OLFM2: variants seen among roughly 807,000 people sequenced by gnomAD.
OLFM2 encodes the protein olfactomedin 2, also known as noelin-2.
Under a neutral mutation model 43.9 loss-of-function variants are expected in OLFM2, and 20 were observed. The observed-to-expected ratio is 0.46, with a 90% confidence interval of 0.32 to 0.66. OLFM2 has a LOEUF of 0.66. Among genes scored for constraint, OLFM2 ranks in the 30% least tolerant of loss-of-function variants. The pLI is 0.04. For synonymous variants in OLFM2, 268 were observed against 278.6 expected, an observed-to-expected ratio of 0.96 and a Z score of 0.38; for missense variants, 416 against 643.6, an observed-to-expected ratio of 0.65 and a Z score of 3.83.
intron 1 of OLFM2, among the ~76,000 whole-genome samples, chr19:9,882,746 C>T (rs1449200572): frequency 1.3e-5 from 2 of 150,650 alleles, no homozygotes; most frequent in Non-Finnish European, 3.0e-5. Context: ...GCTGTGTCTA[C>T]AAAAAATTAA....
chr19:9,890,206 T>A (rs1344381211), intron 1 of OLFM2, among the ~76,000 whole-genome samples: 1 of 152,198 alleles, frequency 6.6e-6, no homozygotes, highest in Non-Finnish European at 1.5e-5. Flanking sequence ...TTCCCCAGTG[T>A]CTGTGGAAAA....
chr19:9,888,521 CA>C (rs33932579), intron 1 of OLFM2, among the ~76,000 whole-genome samples: 2 of 138,662 alleles, frequency 1.4e-5, no homozygotes, highest in African/African-American at 2.7e-5. Context: ...GACCTTACCT[CA>C]AAAAAAAAAA....
intron 1 of OLFM2, among the ~76,000 whole-genome samples, chr19:9,890,266 T>A (rs575883595): frequency 3.9e-5 from 6 of 152,116 alleles, no homozygotes; most frequent in Non-Finnish European, 7.4e-5. Context: ...TTTTCTCAGC[T>A]CCAGCTCTAG....
chr19:9,898,534 T>A (rs7249206), intron 1 of OLFM2, among the ~76,000 whole-genome samples: 47,022 of 150,566 alleles, frequency 0.31, 8,721 homozygotes, highest in African/African-American at 0.53. Flanking sequence ...AAAAAAAAAA[T>A]TTTTTTGTGT....
At chr19:9,924,132 C>T (rs1422086537) in intron 1 of OLFM2, among the ~76,000 whole-genome samples, 44 of 140,658 alleles carry the variant, frequency 3.1e-4, no homozygotes, top group African/African-American at 7.5e-4. Flanking sequence ...AAAAAAAGCC[C>T]GGGCGCAGTG....
intron 5 of OLFM2, among the ~76,000 whole-genome samples, chr19:9,855,242 T>A (rs1378106981): frequency 1.5e-5 from 2 of 134,662 alleles, no homozygotes; most frequent in African/African-American, 5.8e-5. Context: ...TTTTAAGTAA[T>A]TTTTTTTTTT....
Position 9,931,713 on chromosome 19 carries a change from AT to A in OLFM2, c.63+4590del, listed in dbSNP as rs758832053. On this transcript the variant is annotated intron_variant, in intron 1 of 5. Coordinates refer to ENST00000264833, the MANE Select transcript of OLFM2 (RefSeq NM_058164.4). ...GACAGAACAAGACTCCATCTCAAAA[AT>A]AAAAAAAAAAAAAGAAATAAAAAGA... Among the ~76,000 whole-genome samples, 1,264 of 147,894 alleles carry A rather than the reference AT, an allele frequency of 8.5e-3. 22 individuals carry two copies. The highest frequency in any genetic ancestry group is 0.029 in the African/African-American group (1,131 of 38,944).
chr19:9,926,017 G>A (rs969766313), intron 1 of OLFM2, among the ~76,000 whole-genome samples: 24 of 151,892 alleles, frequency 1.6e-4, no homozygotes, highest in African/African-American at 5.8e-4. Context: ...TGCACCTGTA[G>A]TCCCAGCTAC....
At chr19:9,882,872 G>A (rs1568374808) in intron 1 of OLFM2, among the ~76,000 whole-genome samples, 1 of 151,300 alleles carries the variant, frequency 6.6e-6, no homozygotes, top group Admixed American at 6.6e-5. Flanking sequence ...ATTCCAGCCT[G>A]GGGAACAGAG....
intron 1 of OLFM2, among the ~76,000 whole-genome samples, chr19:9,878,150 C>G (rs2046507243): frequency 1.3e-5 from 2 of 152,134 alleles, no homozygotes; most frequent in Non-Finnish European, 2.9e-5. Flanking sequence ...ACACCCAGCC[C>G]TTTATAAATT....
At chr19:9,932,560 G>A (rs2086489394) in intron 1 of OLFM2, among the ~76,000 whole-genome samples, 1 of 152,130 alleles carries the variant, frequency 6.6e-6, no homozygotes, top group Non-Finnish European at 1.5e-5. Context: ...TTCAGGGTGA[G>A]CCTCTTGGAG....
intron 1 of OLFM2, among the ~76,000 whole-genome samples, chr19:9,905,990 G>A (rs1480216086): frequency 6.6e-6 from 1 of 152,202 alleles, no homozygotes; most frequent in East Asian, 1.9e-4. Flanking sequence ...CTTGGGTTCA[G>A]ACACAACTGA....
At chr19:9,895,518 T>C (rs533027109) in intron 1 of OLFM2, among the ~76,000 whole-genome samples, 1 of 148,888 alleles carries the variant, frequency 6.7e-6, no homozygotes, top group East Asian at 2.0e-4. Flanking sequence ...AATAAATAAA[T>C]GTAAAATATG....
chr19:9,859,404 C>T (rs1426508821), intron 2 of OLFM2, among the ~76,000 whole-genome samples: 1 of 152,158 alleles, frequency 6.6e-6, no homozygotes, highest in African/African-American at 2.4e-5. Flanking sequence ...GCAACCTCCA[C>T]CTCCCGGGTT....
chr19:9,912,491 C>G (rs1333520611), intron 1 of OLFM2, among the ~76,000 whole-genome samples: 1 of 151,988 alleles, frequency 6.6e-6, no homozygotes, highest in Non-Finnish European at 1.5e-5. Context: ...TTGGGAGGAG[C>G]CCCCCAAACA....
At chr19:9,922,271 G>A (rs1340055972) in intron 1 of OLFM2, among the ~76,000 whole-genome samples, 1 of 75,988 alleles carries the variant, frequency 1.3e-5, no homozygotes, top group Non-Finnish European at 2.6e-5. Flanking sequence ...GTAAAATCTA[G>A]ATACACACAC....
chr19:9,893,554 C>T (rs1297316397), intron 1 of OLFM2, among the ~76,000 whole-genome samples: 1 of 152,172 alleles, frequency 6.6e-6, no homozygotes, highest in Non-Finnish European at 1.5e-5. Context: ...TGAGCTGAGC[C>T]TGGTCTATCT....
chr19:9,925,338 T>C (rs192121624), intron 1 of OLFM2, among the ~76,000 whole-genome samples: 2 of 152,196 alleles, frequency 1.3e-5, no homozygotes, highest in Admixed American at 1.3e-4. Context: ...AAATAGCAAG[T>C]GTTGGTGAGG....
intron 1 of OLFM2, among the ~76,000 whole-genome samples, chr19:9,876,531 C>A (rs1182609757): frequency 6.6e-6 from 1 of 152,164 alleles, no homozygotes; most frequent in Non-Finnish European, 1.5e-5. Flanking sequence ...TGCGCCCCTG[C>A]GGGTGGCAAG....
Sources: gnomAD v4.1 joint callset for allele counts (sites outside exome capture counted in the v4.1 genomes callset) on GRCh38, gnomAD v4.1.1 for gene constraint, MANE v1.5 for transcripts, NCBI Gene and HGNC (gene_info 2026-07-23, HGNC 2026-07-21) for gene names.